Variants in PLCB1 observed in about 807,000 individuals in gnomAD.
PLCB1 encodes the protein phospholipase C beta 1, also known as 1-phosphatidylinositol 4,5-bisphosphate phosphodiesterase beta-1.
A neutral mutation model predicts 161.8 loss-of-function variants in PLCB1; 46 were observed. That is an observed-to-expected ratio of 0.28 (90% CI 0.22 to 0.36). PLCB1 has a LOEUF of 0.36. Ranked by LOEUF, PLCB1 falls within the 10% of genes least tolerant of loss-of-function variation. The pLI, the probability that PLCB1 is intolerant of heterozygous loss-of-function variation, is 1.00. For missense variants in PLCB1, 1,016 were observed against 1,472.5 expected (o/e 0.69, Z 5.07); for synonymous variants, 517 against 503.7 (o/e 1.03, Z -0.35).
At chr20:8,552,528 T>G (rs1227910496) in intron 3 of PLCB1, among the ~76,000 whole-genome samples, 3 of 152,202 alleles carry the variant, frequency 2.0e-5, no homozygotes, top group Non-Finnish European at 2.9e-5. Flanking sequence ...AGAGTGTTTC[T>G]TATACAATAG....
intron 3 of PLCB1, among the ~76,000 whole-genome samples, chr20:8,555,258 G>C (rs1400168475): frequency 6.6e-6 from 1 of 152,004 alleles, no homozygotes; most frequent in Non-Finnish European, 1.5e-5. Context: ...TCCTTAATAG[G>C]GTTGAATGGG....
At chr20:8,628,984 T>C (rs2123219177) in intron 4 of PLCB1, among the ~76,000 whole-genome samples, 1 of 152,238 alleles carries the variant, frequency 6.6e-6, no homozygotes, top group Admixed American at 6.5e-5. Flanking sequence ...TATAGTTTCT[T>C]TGCATAACAA....
chr20:8,164,515 A>T (rs1339672587), intron 2 of PLCB1, among the ~76,000 whole-genome samples: 4 of 152,226 alleles, frequency 2.6e-5, no homozygotes, highest in Non-Finnish European at 5.9e-5. Flanking sequence ...ACCTGTGTCC[A>T]GGTGCCATTT....
intron 2 of PLCB1, among the ~76,000 whole-genome samples, chr20:8,288,757 C>A (rs1031559869): frequency 1.1e-4 from 16 of 152,086 alleles, no homozygotes; most frequent in Admixed American, 3.3e-4. Flanking sequence ...GAGTGGGGCA[C>A]GGAAGTACTA....
chr20:8,402,356 G>A (rs1178007766), intron 3 of PLCB1, among the ~76,000 whole-genome samples: 2 of 152,050 alleles, frequency 1.3e-5, no homozygotes, highest in Admixed American at 1.3e-4. Context: ...GTATTCCTTA[G>A]TAATGTTTTA....
chr20:8,632,040 T>TTTTTTTG (rs1568537442), intron 4 of PLCB1, among the ~76,000 whole-genome samples: 6 of 30,078 alleles, frequency 2.0e-4, no homozygotes, highest in Non-Finnish European at 4.4e-4. Flanking sequence ...TTTTGCTTTT[T>TTTTTTTG]TTTTTTTTTT....
chr20:8,444,482 A>G (rs1308585716), intron 3 of PLCB1, among the ~76,000 whole-genome samples: 1 of 152,222 alleles, frequency 6.6e-6, no homozygotes, highest in East Asian at 1.9e-4. Context: ...AAGTCTTTGC[A>G]ATTGTGAATA....
In PLCB1 at chr20:8,645,256, A is replaced by G. The variant is rs539724684; in HGVS notation, c.385-846A>G. Among the ~76,000 whole-genome samples, 236 of 151,774 alleles carry G rather than the reference A, an allele frequency of 1.6e-3. 1 individual carries two copies. The highest frequency in any genetic ancestry group is 2.2e-3 in the Non-Finnish European group (148 of 67,852). On this transcript the variant is annotated intron_variant, in intron 4 of 31. Coordinates refer to ENST00000338037, the MANE Select transcript of PLCB1 (RefSeq NM_015192.4). Reference sequence around the variant, plus strand: ...CTGACCTTCCCTCCACTATTGTCCTATGACCCTGCCAAATCCCCCTCTGTG... The same window carrying G: ...CTGACCTTCCCTCCACTATTGTCCTGTGACCCTGCCAAATCCCCCTCTGTG...
intron 3 of PLCB1, among the ~76,000 whole-genome samples, chr20:8,375,069 T>C (rs1600353636): frequency 6.6e-6 from 1 of 152,348 alleles, no homozygotes; most frequent in Non-Finnish European, 1.5e-5. Flanking sequence ...TTCCAGATCT[T>C]CTTTTCTGTA....
At position 8,788,454 on chromosome 20, in the gene PLCB1, T is replaced by G; in HGVS notation, c.3117T>G (p.Ile1039Met). 1 of 1,612,816 alleles carries G rather than the reference T, an allele frequency of 6.2e-7. No individual in the cohort carries two copies. The highest frequency in any genetic ancestry group is 8.5e-7 in the Non-Finnish European group (1 of 1,179,608). Residue 1039 changes from isoleucine to methionine, a missense_variant, in exon 28 of 32, where the codon ATT becomes ATG. Physicochemically the swap from Ile to Met is conservative, Grantham distance 10 (BLOSUM62 1). This residue lies in a region of PLCB1 where 398 missense variants were observed against 445.4 expected (regional missense o/e 0.89). Coordinates refer to ENST00000338037, the MANE Select transcript of PLCB1 (RefSeq NM_015192.4). ...CTGACATTTTCTTTTTCCAGCTTATTCAAAAGTTGACGGATGTCGCAGAAG... is the reference window on the plus strand; with the variant it reads ...CTGACATTTTCTTTTTCCAGCTTATGCAAAAGTTGACGGATGTCGCAGAAG... Reference protein sequence around the residue: ...YQKREHIKLLIQKLTDVAEEC... With the variant: ...YQKREHIKLLMQKLTDVAEEC...
At chr20:8,194,998 A>G (rs539314220) in intron 2 of PLCB1, among the ~76,000 whole-genome samples, 1 of 152,178 alleles carries the variant, frequency 6.6e-6, no homozygotes, top group South Asian at 2.1e-4. Flanking sequence ...GTTTCATAAT[A>G]TCTAAATTTT....
intron 27 of PLCB1, 21 bp downstream of exon 27, chr20:8,774,740 T>G: frequency 6.4e-7 from 1 of 1,568,038 alleles, no homozygotes. Flanking sequence ...GAAACATGAT[T>G]TATGTTTGTG....
intron 3 of PLCB1, among the ~76,000 whole-genome samples, chr20:8,587,188 A>G (rs114084814): frequency 0.033 from 5,034 of 152,024 alleles, 105 homozygotes; most frequent in Non-Finnish European, 0.042. Flanking sequence ...AAATATATAT[A>G]TATATATGAT....
At chr20:8,395,871 AGATG>A (rs1197585669) in intron 3 of PLCB1, among the ~76,000 whole-genome samples, 3 of 152,074 alleles carry the variant, frequency 2.0e-5, no homozygotes, top group African/African-American at 7.2e-5. Context: ...AAGTCATAAT[AGATG>A]GATACTCTTC....
chr20:8,432,221 T>A (rs6055815), intron 3 of PLCB1, among the ~76,000 whole-genome samples: 29,492 of 152,114 alleles, frequency 0.19, 3,172 homozygotes, highest in African/African-American at 0.27. Context: ...CCAGAATCCC[T>A]GCTACAGCGC....
chr20:8,803,486 T>G (rs1030837461), intron 31 of PLCB1, among the ~76,000 whole-genome samples: 3 of 148,470 alleles, frequency 2.0e-5, no homozygotes, highest in African/African-American at 7.4e-5. Context: ...ACACAGGGAA[T>G]GCCATGTCAG....
chr20:8,423,621 A>AGTTT (rs1481405391), intron 3 of PLCB1, among the ~76,000 whole-genome samples: 1 of 152,220 alleles, frequency 6.6e-6, no homozygotes, highest in African/African-American at 2.4e-5. Flanking sequence ...TTCTGCTTTT[A>AGTTT]AGAATACTCA....
At position 8,821,544 on chromosome 20, in the gene PLCB1, T is replaced by C. The variant is rs1480315064; in HGVS notation, c.3423+31283T>C. ...ATATATATATATATATATATATATA[T>C]ATATATATATATATTTAAATGACAC... On this transcript the variant is annotated intron_variant, in intron 31 of 31. Transcript: ENST00000338037. Among the ~76,000 whole-genome samples, 7 of 91,700 alleles carry C rather than the reference T, an allele frequency of 7.6e-5. 1 individual carries two copies. Among genetic ancestry groups the C allele is most frequent in the African/African-American group, 2.8e-4 (7 of 24,680 alleles). 60.2% of individuals were successfully genotyped at this position (91,700 alleles called of 152,430 possible). A position where few individuals can be genotyped will look rare whatever the true frequency, so the allele number is the denominator to read the frequency against.
At chr20:8,631,676 A>G (rs530871017) in intron 4 of PLCB1, among the ~76,000 whole-genome samples, 1 of 152,340 alleles carries the variant, frequency 6.6e-6, no homozygotes, top group Non-Finnish European at 1.5e-5. Flanking sequence ...ACAGAGAACC[A>G]TCTGCCCCCT....
Sources: allele counts gnomAD v4.1 joint callset (sites outside exome capture counted in the v4.1 genomes callset), GRCh38; gene constraint gnomAD v4.1.1; regional missense constraint gnomAD v4.1.1; transcripts MANE v1.5; gene names NCBI Gene and HGNC (gene_info 2026-07-23, HGNC 2026-07-21).